Variants in KIAA1958 observed in about 807,000 individuals in gnomAD.
KIAA1958 encodes uncharacterized protein KIAA1958.
KIAA1958 carries 14 observed loss-of-function variants against 47.2 expected under a neutral mutation model. That is an observed-to-expected ratio of 0.30 (90% CI 0.20 to 0.46). The LOEUF is 0.46. KIAA1958 is among the 20% of genes least tolerant of loss of function. KIAA1958 has a pLI of 1.00. For missense variants in KIAA1958, 803 were observed against 909.2 expected, an observed-to-expected ratio of 0.88 and a Z score of 1.50; for synonymous variants, 354 against 353.3, an observed-to-expected ratio of 1.00 and a Z score of -0.02.
In KIAA1958 at chr9:112,516,279, T is replaced by TAAA. The variant is rs34888337; in HGVS notation, c.-25+29171_-25+29173dup. On this transcript the variant is annotated intron_variant, in intron 1 of 3. Coordinates refer to ENST00000337530, the MANE Select transcript of KIAA1958 (RefSeq NM_133465.4). ...GGCAACACAGTGAGACCTCATCTCT[T>TAAA]AAAAAAAAAAAAGTCAGTTGTATTT... Among the ~76,000 whole-genome samples the TAAA allele has an allele frequency of 5.8e-4, 86 of 147,832 alleles. 1 individual carries two copies. Among genetic ancestry groups the TAAA allele is most frequent in the African/African-American group, 2.1e-3 (83 of 40,396 alleles).
chr9:112,584,841 C>T (rs368489967), intron 2 of KIAA1958, among the ~76,000 whole-genome samples: 74 of 152,150 alleles, frequency 4.9e-4, no homozygotes, highest in African/African-American at 1.7e-3. Flanking sequence ...CCTTGTGAAC[C>T]GAGAGGGACA....
At chr9:112,627,766 A>G (rs754921165) in intron 2 of KIAA1958, among the ~76,000 whole-genome samples, 1 of 152,208 alleles carries the variant, frequency 6.6e-6, no homozygotes, top group Non-Finnish European at 1.5e-5. Flanking sequence ...CTAAAAAGAA[A>G]AAAAGAATAT....
At chr9:112,638,341 C>T (rs974426553) in intron 2 of KIAA1958, among the ~76,000 whole-genome samples, 1 of 150,946 alleles carries the variant, frequency 6.6e-6, no homozygotes, top group Non-Finnish European at 1.5e-5. Context: ...CCTGTCACTA[C>T]AAAAAATGTA....
At chr9:112,654,014 G>GTCAC (rs1837107538) in intron 3 of KIAA1958, among the ~76,000 whole-genome samples, 1 of 152,166 alleles carries the variant, frequency 6.6e-6, no homozygotes, top group Non-Finnish European at 1.5e-5. Flanking sequence ...CACGTGGCTA[G>GTCAC]CCCAGATTCA....
chr9:112,641,218 A>G (rs1285664919), intron 2 of KIAA1958, among the ~76,000 whole-genome samples: 2 of 152,038 alleles, frequency 1.3e-5, no homozygotes, highest in Non-Finnish European at 2.9e-5. Flanking sequence ...TACTTCTTTC[A>G]TGATTGAAAA....
chr9:112,505,389 G>A lies in KIAA1958; in HGVS notation c.-25+18271G>A, dbSNP rs114052780. On this transcript the variant is annotated intron_variant, in intron 1 of 3. Coordinates refer to ENST00000337530, the MANE Select transcript of KIAA1958 (RefSeq NM_133465.4). The stretch of plus-strand genomic sequence containing the variant: ...GTATAATACTAAGTATATAGCCCAT[G>A]GGGTTGTCGTGAGGATTAGGTAAAT... Among the ~76,000 whole-genome samples the A allele has an allele frequency of 2.7e-3, 411 of 152,318 alleles. 2 individuals carry two copies. The highest frequency in any genetic ancestry group is 9.5e-3 in the African/African-American group (393 of 41,566).
At chr9:112,647,319 A>G (rs1836992249) in intron 3 of KIAA1958, among the ~76,000 whole-genome samples, 1 of 152,224 alleles carries the variant, frequency 6.6e-6, no homozygotes, top group South Asian at 2.1e-4. Flanking sequence ...AAAGGGTCCT[A>G]AAGTGGTTCT....
At chr9:112,529,882 C>T (rs999587158) in intron 1 of KIAA1958, among the ~76,000 whole-genome samples, 4 of 151,828 alleles carry the variant, frequency 2.6e-5, no homozygotes, top group Non-Finnish European at 5.9e-5. Flanking sequence ...CTCACTCTGT[C>T]GCCCAGGCTG....
At chr9:112,542,334 A>C (rs544624097) in intron 1 of KIAA1958, among the ~76,000 whole-genome samples, 1 of 152,222 alleles carries the variant, frequency 6.6e-6, no homozygotes, top group East Asian at 1.9e-4. Flanking sequence ...ATTCATGTTC[A>C]TTAATTTTAA....
At chr9:112,556,222 T>A (rs1291609367) in intron 1 of KIAA1958, among the ~76,000 whole-genome samples, 2 of 152,246 alleles carry the variant, frequency 1.3e-5, no homozygotes, top group Non-Finnish European at 2.9e-5. Flanking sequence ...AGACCTCAGC[T>A]GGCTGTCAAT....
At chr9:112,624,929 G>A (rs181783398) in intron 2 of KIAA1958, among the ~76,000 whole-genome samples, 18 of 152,198 alleles carry the variant, frequency 1.2e-4, no homozygotes, top group African/African-American at 2.6e-4. Context: ...GAGTCACCAC[G>A]TCCTCATGTA....
At chr9:112,545,255 T>C (rs1376192303) in intron 1 of KIAA1958, among the ~76,000 whole-genome samples, 1 of 152,204 alleles carries the variant, frequency 6.6e-6, no homozygotes, top group African/African-American at 2.4e-5. Flanking sequence ...TGATGATCTT[T>C]AAGATCTTGG....
intron 2 of KIAA1958, among the ~76,000 whole-genome samples, chr9:112,591,195 T>C (rs1012681574): frequency 1.3e-5 from 2 of 152,178 alleles, no homozygotes; most frequent in African/African-American, 4.8e-5. Context: ...GCCATTCTCC[T>C]GCCTCAGCCT....
chr9:112,546,749 G>A (rs1466695000), intron 1 of KIAA1958, among the ~76,000 whole-genome samples: 1 of 151,910 alleles, frequency 6.6e-6, no homozygotes, highest in East Asian at 1.9e-4. Flanking sequence ...AGAGTTCTAT[G>A]TCCTCTCTTA....
chr9:112,510,204 G>A (rs1039003741), intron 1 of KIAA1958, among the ~76,000 whole-genome samples: 6 of 152,120 alleles, frequency 3.9e-5, no homozygotes, highest in African/African-American at 1.4e-4. Flanking sequence ...TCTGTCAGTG[G>A]GACGTCTCTG....
chr9:112,663,936 T>C lies in KIAA1958; in HGVS notation c.*3867T>C, dbSNP rs1837317360. On this transcript the variant is annotated 3_prime_UTR_variant, in exon 4 of 4. Transcript: ENST00000337530. Reference sequence around the variant, plus strand: ...GAATCTGGACAAAGTAATACTCTTGTAGAAACGGAAGCATCTTGCTGTACT... The same window carrying C: ...GAATCTGGACAAAGTAATACTCTTGCAGAAACGGAAGCATCTTGCTGTACT... The C allele has an allele frequency of 6.6e-6, 1 of 152,278 alleles. No individual in the cohort carries two copies. Among genetic ancestry groups the C allele is most frequent in the African/African-American group, 2.4e-5 (1 of 41,480 alleles). 9.4% of individuals were successfully genotyped at this position (152,278 alleles called of 1,614,324 possible). A position where few individuals can be genotyped will look rare whatever the true frequency, so the allele number is the denominator to read the frequency against.
intron 2 of KIAA1958, among the ~76,000 whole-genome samples, chr9:112,584,779 A>G (rs1835794934): frequency 6.6e-6 from 1 of 152,214 alleles, no homozygotes; most frequent in Non-Finnish European, 1.5e-5. Flanking sequence ...CACACAAAGA[A>G]GGTAGATGGT....
At chr9:112,608,034 T>A (rs1296985282) in intron 2 of KIAA1958, among the ~76,000 whole-genome samples, 2 of 152,220 alleles carry the variant, frequency 1.3e-5, no homozygotes, top group African/African-American at 4.8e-5. Flanking sequence ...GAGGACAAAC[T>A]TAGCCAGCTG....
intron 3 of KIAA1958, among the ~76,000 whole-genome samples, chr9:112,656,476 T>A (rs557950454): frequency 6.6e-6 from 1 of 151,188 alleles, no homozygotes; most frequent in South Asian, 2.1e-4. Context: ...TCTGTGTGTC[T>A]CAGAGCCATG....
Sources: allele counts gnomAD v4.1 joint callset (sites outside exome capture counted in the v4.1 genomes callset), GRCh38; gene constraint gnomAD v4.1.1; transcripts MANE v1.5; gene names NCBI Gene and HGNC (gene_info 2026-07-23, HGNC 2026-07-21).